Variants in CNTNAP5 observed in about 807,000 individuals in gnomAD.
CNTNAP5 encodes contactin-associated protein-like 5.
In CNTNAP5, 72 loss-of-function variants were observed where a neutral mutation model predicts 150.2. That is an observed-to-expected ratio of 0.48 (90% CI 0.40 to 0.58). CNTNAP5 has a LOEUF of 0.58. Among genes scored for constraint, CNTNAP5 ranks in the 20% least tolerant of loss-of-function variants. The pLI, the probability that CNTNAP5 is intolerant of heterozygous loss-of-function variation, is 0.00. For synonymous variants in CNTNAP5, 672 were observed against 619.8 expected, an observed-to-expected ratio of 1.08 and a Z score of -1.25; for missense variants, 1,636 against 1,626.2, an observed-to-expected ratio of 1.01 and a Z score of -0.10.
chr2:124,204,334 T>A (rs1286748726), intron 1 of CNTNAP5, among the ~76,000 whole-genome samples: 2 of 152,194 alleles, frequency 1.3e-5, no homozygotes, highest in African/African-American at 2.4e-5. Context: ...CATATCACCA[T>A]CAGCATTTTG....
intron 12 of CNTNAP5, among the ~76,000 whole-genome samples, chr2:124,628,989 C>T (rs4848953): frequency 2.0e-5 from 3 of 151,882 alleles, no homozygotes; most frequent in Middle Eastern, 3.2e-3. Context: ...CATGCTGAAG[C>T]GTTCAATTCA....
chr2:124,241,462 T>A (rs542311952), intron 2 of CNTNAP5, among the ~76,000 whole-genome samples: 1 of 152,090 alleles, frequency 6.6e-6, no homozygotes, highest in Non-Finnish European at 1.5e-5. Flanking sequence ...TTGCCTCAGG[T>A]TTCACCTCTA....
intron 10 of CNTNAP5, among the ~76,000 whole-genome samples, chr2:124,553,916 C>T (rs1265100278): frequency 6.6e-6 from 1 of 152,022 alleles, no homozygotes; most frequent in African/African-American, 2.4e-5. Flanking sequence ...GATATGAGGG[C>T]CAAAGGTGGG....
intron 7 of CNTNAP5, among the ~76,000 whole-genome samples, chr2:124,494,263 G>A (rs1311554195): frequency 3.3e-5 from 5 of 152,072 alleles, no homozygotes; most frequent in Non-Finnish European, 7.3e-5. Context: ...GTAACTCTCA[G>A]GCTGAGGCCA....
intron 13 of CNTNAP5, among the ~76,000 whole-genome samples, chr2:124,695,409 A>G (rs949353495): frequency 1.2e-4 from 19 of 152,302 alleles, no homozygotes; most frequent in African/African-American, 2.6e-4. Context: ...AATAACAACT[A>G]TGTTTCACAG....
chr2:124,062,070 T>TG (rs1573726233), intron 1 of CNTNAP5, among the ~76,000 whole-genome samples: 1 of 400 alleles, frequency 2.5e-3, no homozygotes. Context: ...TCTTCAGGGC[T>TG]ACCTATCAAC....
intron 4 of CNTNAP5, among the ~76,000 whole-genome samples, chr2:124,419,106 C>A (rs1433818295): frequency 8.8e-6 from 1 of 113,134 alleles, no homozygotes; most frequent in Non-Finnish European, 1.7e-5. Flanking sequence ...TGCAGTCCGC[C>A]GTCCGGCCTG....
chr2:124,248,730 CAT>C (rs1487392269), intron 3 of CNTNAP5, among the ~76,000 whole-genome samples: 1 of 152,180 alleles, frequency 6.6e-6, no homozygotes, highest in East Asian at 1.9e-4. Flanking sequence ...CACATTTACA[CAT>C]GTGGCATTTA....
chr2:124,373,870 G>A (rs1486467223), intron 3 of CNTNAP5, among the ~76,000 whole-genome samples: 1 of 147,842 alleles, frequency 6.8e-6, no homozygotes, highest in Non-Finnish European at 1.5e-5. Context: ...CATATAGAAT[G>A]ATGTACTAAG....
At chr2:124,390,582 G>A (rs779745270) in intron 3 of CNTNAP5, among the ~76,000 whole-genome samples, 5 of 152,192 alleles carry the variant, frequency 3.3e-5, no homozygotes, top group Non-Finnish European at 5.9e-5. Context: ...TAATCAAGTA[G>A]ACTAAAACAC....
At chr2:124,183,520 C>T (rs578022803) in intron 1 of CNTNAP5, among the ~76,000 whole-genome samples, 3 of 152,278 alleles carry the variant, frequency 2.0e-5, no homozygotes, top group Admixed American at 6.5e-5. Flanking sequence ...TATTATATTG[C>T]ACAAGGTTGA....
At chr2:124,803,528 A>C (rs1682015731) in intron 19 of CNTNAP5, among the ~76,000 whole-genome samples, 2 of 152,160 alleles carry the variant, frequency 1.3e-5, no homozygotes, top group African/African-American at 4.8e-5. Context: ...TTGGGTACAC[A>C]ATCCAAATAT....
rs886110078 is a variant in CNTNAP5 at position 124,242,253 on chromosome 2, G to A, written c.241G>A (p.Asp81Asn). The change falls in exon 3 of 24, where the codon GAC (aspartate) becomes AAC (asparagine). Residue 81 changes from aspartate to asparagine, a missense_variant. Asp to Asn is a conservative substitution (Grantham distance 23). Coordinates refer to ENST00000682447, the MANE Select transcript of CNTNAP5 (RefSeq NM_001367498.1). ...DSNAQQWLQM[D>N]LGNRVEITAV... is the part of the protein sequence containing the mutation. The stretch of plus-strand genomic sequence containing the variant: ...CAATGCTCAACAGTGGCTCCAGATG[G>A]ACCTGGGAAACAGAGTAGAGATTAC... 6.2e-7 allele frequency: 1 copy of A among 1,605,340 alleles called. No individual in the cohort carries two copies. Among genetic ancestry groups the A allele is most frequent in the Non-Finnish European group, 8.5e-7 (1 of 1,175,614 alleles).
chr2:124,725,081 A>T (rs1275695466), intron 13 of CNTNAP5, among the ~76,000 whole-genome samples: 2 of 151,964 alleles, frequency 1.3e-5, no homozygotes, highest in Admixed American at 1.3e-4. Flanking sequence ...GGTCTCACAT[A>T]CACATAAATT....
At chr2:124,647,434 T>C (rs956191381) in intron 12 of CNTNAP5, among the ~76,000 whole-genome samples, 5 of 152,212 alleles carry the variant, frequency 3.3e-5, no homozygotes, top group Admixed American at 1.3e-4. Context: ...CTAATTTTCT[T>C]TCACATTTTC....
At chr2:124,366,614 G>A (rs553160371) in intron 3 of CNTNAP5, among the ~76,000 whole-genome samples, 2 of 152,130 alleles carry the variant, frequency 1.3e-5, no homozygotes, top group Admixed American at 6.5e-5. Context: ...AAGCAGTAGC[G>A]TGACTTTTGC....
At chr2:124,798,040 C>T in intron 18 of CNTNAP5, 56 bp from the exon 19 acceptor site, 8 of 1,372,766 alleles carry the variant, frequency 5.8e-6, no homozygotes, top group Non-Finnish European at 8.1e-6. Context: ...CTAAGGTTAG[C>T]TTGAACAATG....
At chr2:124,187,276 C>A (rs1029825787) in intron 1 of CNTNAP5, among the ~76,000 whole-genome samples, 13 of 152,126 alleles carry the variant, frequency 8.5e-5, no homozygotes. Context: ...ATAAATATTA[C>A]CCATCATGCA....
In CNTNAP5 at chr2:124,102,858, G is replaced by T. The variant is rs540107489; in HGVS notation, c.82+77126G>T. Reference sequence around the variant, plus strand: ...GCACTTAAGACAGTGGTTGGTACATGCAAAGTACACAATAAATATTAGCTC... The same window carrying T: ...GCACTTAAGACAGTGGTTGGTACATTCAAAGTACACAATAAATATTAGCTC... On this transcript the variant is annotated intron_variant, in intron 1 of 23. Transcript: ENST00000682447. Among the ~76,000 whole-genome samples, 269 of 152,300 alleles carry T rather than the reference G, an allele frequency of 1.8e-3. 3 individuals are homozygous for T. Among genetic ancestry groups the T allele is most frequent in the Non-Finnish European group, 1.1e-3 (74 of 68,028 alleles).
Sources: allele counts gnomAD v4.1 joint callset (sites outside exome capture counted in the v4.1 genomes callset), GRCh38; gene constraint gnomAD v4.1.1; transcripts MANE v1.5; gene names NCBI Gene and HGNC (gene_info 2026-07-23, HGNC 2026-07-21).